The following RAPGEF5 variants were observed in gnomAD, a reference collection of about 807,000 sequenced individuals.
RAPGEF5 encodes the protein Rap guanine nucleotide exchange factor 5.
RAPGEF5 carries 65 observed loss-of-function variants against 125.2 expected under a neutral mutation model. The observed-to-expected ratio is 0.52, with a 90% CI of 0.43 to 0.64. RAPGEF5 has a LOEUF of 0.64. Ranked by LOEUF, RAPGEF5 falls within the 30% of genes least tolerant of loss-of-function variation. RAPGEF5 has a pLI of 0.00. For synonymous variants in RAPGEF5, 391 were observed against 385.9 expected (o/e 1.01, Z -0.16); for missense variants, 958 against 1,048.1 (o/e 0.91, Z 1.19).
At chr7:22,318,663 C>A (rs1043601787) in intron 1 of RAPGEF5, among the ~76,000 whole-genome samples, 1 of 152,182 alleles carries the variant, frequency 6.6e-6, no homozygotes, top group Non-Finnish European at 1.5e-5. Flanking sequence ...CCACTCATAA[C>A]CCTGCCTTTA....
chr7:22,161,123 G>A (rs947452805), intron 13 of RAPGEF5, among the ~76,000 whole-genome samples: 1 of 152,018 alleles, frequency 6.6e-6, no homozygotes, highest in African/African-American at 2.4e-5. Flanking sequence ...GCAGGAGAAT[G>A]GCGTGAACCC....
chr7:22,191,436 A>T, intron 11 of RAPGEF5: 1 of 396,868 alleles, frequency 2.5e-6, no homozygotes, highest in Non-Finnish European at 5.3e-6. Flanking sequence ...TTTGCCACTC[A>T]GATGTCTCTG....
chr7:22,305,676 C>A (rs1783320500), intron 5 of RAPGEF5, among the ~76,000 whole-genome samples: 1 of 152,042 alleles, frequency 6.6e-6, no homozygotes, highest in African/African-American at 2.4e-5. Flanking sequence ...TTTTTTGGTA[C>A]CCATTAACCA....
chr7:22,333,875 T>G (rs1196841989), intron 1 of RAPGEF5, among the ~76,000 whole-genome samples: 2 of 150,740 alleles, frequency 1.3e-5, no homozygotes, highest in Non-Finnish European at 3.0e-5. Context: ...GTCTTGCAGA[T>G]GGACAGAGGG....
chr7:22,199,937 C>T (rs936624277), intron 9 of RAPGEF5, among the ~76,000 whole-genome samples: 2 of 152,258 alleles, frequency 1.3e-5, no homozygotes, highest in East Asian at 1.9e-4. Flanking sequence ...CAAATGAAGA[C>T]GATTCTGGAT....
chr7:22,303,386 T>C (rs564226200), intron 5 of RAPGEF5, among the ~76,000 whole-genome samples: 115 of 152,356 alleles, frequency 7.5e-4, no homozygotes, highest in African/African-American at 2.4e-3. Flanking sequence ...TAAAATTCTG[T>C]TTCTTCAAAC....
intron 7 of RAPGEF5, among the ~76,000 whole-genome samples, chr7:22,236,804 G>C (rs1786201919): frequency 6.6e-6 from 1 of 152,192 alleles, no homozygotes; most frequent in South Asian, 2.1e-4. Flanking sequence ...GGGTCACACG[G>C]AGATAAATAC....
At chr7:22,338,052 C>T (rs543988214) in intron 1 of RAPGEF5, among the ~76,000 whole-genome samples, 2 of 152,322 alleles carry the variant, frequency 1.3e-5, no homozygotes, top group South Asian at 2.1e-4. Flanking sequence ...AGCATAATTG[C>T]TCAGTAAAAG....
At chr7:22,331,167 C>A (rs374672208) in intron 1 of RAPGEF5, among the ~76,000 whole-genome samples, 1 of 152,148 alleles carries the variant, frequency 6.6e-6, no homozygotes, top group East Asian at 1.9e-4. Context: ...TTTTAAAGAA[C>A]CCTGAAATAC....
chr7:22,125,436 T>C, intron 25 of RAPGEF5, 168 bp downstream of exon 25: 1 of 595,210 alleles, frequency 1.7e-6, no homozygotes, highest in Non-Finnish European at 3.0e-6. Flanking sequence ...ATCCCCAACA[T>C]GCAGTGAGGA....
chr7:22,348,417 T>C (rs933258270), intron 1 of RAPGEF5, among the ~76,000 whole-genome samples: 2 of 152,224 alleles, frequency 1.3e-5, no homozygotes, highest in Non-Finnish European at 2.9e-5. Flanking sequence ...GTTGCTTAAA[T>C]ATCAAGCATG....
intron 11 of RAPGEF5, among the ~76,000 whole-genome samples, chr7:22,183,239 A>C (rs1784726750): frequency 7.4e-6 from 1 of 135,814 alleles, no homozygotes; most frequent in Admixed American, 8.2e-5. Context: ...ATTGCACTCC[A>C]GCCTGGGTAA....
intron 12 of RAPGEF5, chr7:22,162,837 T>A (rs891128525): frequency 2.1e-6 from 1 of 486,996 alleles, no homozygotes; most frequent in African/African-American, 1.9e-5. Flanking sequence ...AAGGAGATAC[T>A]AGGTGGTCCA....
At chr7:22,341,413 C>T (rs1334111342) in intron 1 of RAPGEF5, among the ~76,000 whole-genome samples, 4 of 152,124 alleles carry the variant, frequency 2.6e-5, no homozygotes, top group South Asian at 4.2e-4. Context: ...TCATTCCACC[C>T]GGCCCCTCCC....
chr7:22,341,103 C>T (rs1336107421), intron 1 of RAPGEF5, among the ~76,000 whole-genome samples: 1 of 152,166 alleles, frequency 6.6e-6, no homozygotes, highest in Admixed American at 6.5e-5. Context: ...TAAAGACATA[C>T]CCAGGACTGG....
chr7:22,180,166 C>A (rs111410700), intron 11 of RAPGEF5, among the ~76,000 whole-genome samples: 1 of 152,152 alleles, frequency 6.6e-6, no homozygotes, highest in Non-Finnish European at 1.5e-5. Context: ...GAAACAAATA[C>A]ATAATTATGG....
Position 22,193,985 on chromosome 7 carries a change from C to A in RAPGEF5, c.1045G>T (p.Val349Phe). 1 of 1,613,914 alleles carries A rather than the reference C, an allele frequency of 6.2e-7. No homozygotes were observed. The highest frequency in any genetic ancestry group is 8.5e-7 in the Non-Finnish European group (1 of 1,179,868). ...TVQVKEQDQS[V>F]LVLKKVQCCG... The stretch of plus-strand genomic sequence containing the variant: ...CACTGCACTTTCTTCAGCACCAGGA[C>A]GCTCTGGTCTTGCTCTTTAACCTGA... Residue 349 changes from valine to phenylalanine, a missense_variant, in exon 10 of 26, where the codon GTC (valine) becomes TTC (phenylalanine). Val to Phe is a conservative substitution (Grantham distance 50, BLOSUM62 -1). Transcript: ENST00000665637.
intron 7 of RAPGEF5, among the ~76,000 whole-genome samples, chr7:22,241,050 T>A (rs1055193021): frequency 6.6e-6 from 1 of 152,198 alleles, no homozygotes; most frequent in African/African-American, 2.4e-5. Flanking sequence ...GCCAAGTGGC[T>A]AAGCCAGGAC....
chr7:22,335,073 A>G (rs1400777257), intron 1 of RAPGEF5, among the ~76,000 whole-genome samples: 3 of 152,228 alleles, frequency 2.0e-5, no homozygotes, highest in South Asian at 2.1e-4. Context: ...TCCTGCCCCA[A>G]TAGCAAGTCA....
Sources: gnomAD v4.1 joint callset for allele counts (sites outside exome capture counted in the v4.1 genomes callset) on GRCh38, gnomAD v4.1.1 for gene constraint, MANE v1.5 for transcripts, NCBI Gene and HGNC (gene_info 2026-07-23, HGNC 2026-07-21) for gene names.